The following RELN variants were observed in gnomAD, a reference collection of about 807,000 sequenced individuals.
The protein encoded by RELN is reelin.
RELN carries 108 observed loss-of-function variants against 427.6 expected under a neutral mutation model. That is an observed-to-expected ratio of 0.25 (90% CI 0.22 to 0.30). The LOEUF (loss-of-function observed/expected upper bound fraction) is 0.30, where lower values mean the gene tolerates loss of function less well. Ranked by LOEUF, RELN falls within the 10% of genes least tolerant of loss-of-function variation. RELN has a pLI of 1.00. For synonymous variants in RELN, 1,524 were observed against 1,513.4 expected (o/e 1.01, Z -0.16); for missense variants, 3,715 against 4,302.8 (o/e 0.86, Z 3.82).
chr7:103,641,122 G>C (rs1832686062), intron 16 of RELN, among the ~76,000 whole-genome samples: 2 of 152,120 alleles, frequency 1.3e-5, no homozygotes, highest in South Asian at 2.1e-4. Flanking sequence ...AAAGGCTACT[G>C]ATTGTTGAAT....
At chr7:103,698,294 A>G (rs1361575349) in intron 9 of RELN, among the ~76,000 whole-genome samples, 2 of 152,206 alleles carry the variant, frequency 1.3e-5, no homozygotes, top group East Asian at 3.9e-4. Flanking sequence ...TGACAGTTCA[A>G]GTATTAAATA....
intron 6 of RELN, among the ~76,000 whole-genome samples, chr7:103,730,970 T>G (rs2115950625): frequency 6.6e-6 from 1 of 152,246 alleles, no homozygotes; most frequent in African/African-American, 2.4e-5. Context: ...TAAGCTTTAC[T>G]GATACAAGGA....
chr7:103,538,953 G>T, intron 45 of RELN, 125 bp downstream of exon 45: 2 of 1,051,074 alleles, frequency 1.9e-6, no homozygotes, highest in Non-Finnish European at 2.9e-6. Context: ...AGTGTGGTTT[G>T]ACTCAAAGTG....
intron 10 of RELN, among the ~76,000 whole-genome samples, chr7:103,690,427 A>G (rs1271646766): frequency 2.0e-5 from 3 of 152,102 alleles, no homozygotes; most frequent in Non-Finnish European, 4.4e-5. Flanking sequence ...TAAATGTGGA[A>G]CACCCATCCA....
rs905314864 is a variant in RELN, at chr7:103,646,626, T to TA, written c.2002+3647dup. On this transcript the variant is annotated intron_variant, in intron 16 of 64. Coordinates refer to ENST00000428762, the MANE Select transcript of RELN (RefSeq NM_005045.4). ...ACAAGTAGTGACACTGAATCAGTAA[T>TA]AAAAAATCTCCCAACAAATAAAAGC... is the stretch of plus-strand genomic sequence containing the variant. Among the ~76,000 whole-genome samples the TA allele has an allele frequency of 5.3e-5, 8 of 151,882 alleles. No individual in the cohort carries two copies. In the East Asian group the frequency reaches 1.4e-3, roughly 26 times the overall value.
chr7:103,871,464 A>ATGTAT lies in RELN; in HGVS notation c.338-37797_338-37793dup. ...ATCACAAAATCTTTAACTACCAAGA[A>ATGTAT]TGTATTTCCCAAGCAAGAGACTACA... On this transcript the variant is annotated intron_variant, in intron 2 of 64. Coordinates refer to ENST00000428762, the MANE Select transcript of RELN (RefSeq NM_005045.4). 1.3e-5 allele frequency among the ~76,000 whole-genome samples: 2 copies of ATGTAT among 152,120 alleles called. 1 individual carries two copies. Among genetic ancestry groups the ATGTAT allele is most frequent in the Non-Finnish European group, 2.9e-5 (2 of 68,022 alleles).
chr7:103,648,510 C>G (rs776650591), intron 16 of RELN, among the ~76,000 whole-genome samples: 1 of 152,042 alleles, frequency 6.6e-6, no homozygotes, highest in Non-Finnish European at 1.5e-5. Context: ...GGAAAAACTC[C>G]TGAACACTTG....
intron 19 of RELN, among the ~76,000 whole-genome samples, chr7:103,634,178 C>T (rs931585378): frequency 6.6e-6 from 1 of 151,966 alleles, no homozygotes; most frequent in Non-Finnish European, 1.5e-5. Context: ...TTTCCTTAAC[C>T]CTGTCTTTTT....
chr7:103,569,501 C>T lies in RELN; in HGVS notation c.4588+2683G>A, dbSNP rs1830834071. Among the ~76,000 whole-genome samples the T allele has an allele frequency of 6.6e-6, 1 of 152,332 alleles. No homozygotes were observed. The highest frequency in any genetic ancestry group is 2.1e-4 in the South Asian group (1 of 4,830). ...TTGTTATGTAGCATACCACTCCAAT[C>T]CTACTAAATCTAAATTTGCATTTTA... On this transcript the variant is annotated intron_variant, in intron 31 of 64. Coordinates refer to ENST00000428762, the MANE Select transcript of RELN (RefSeq NM_005045.4). This position sits in a 1 kb window ranked among gnomAD's most constrained non-coding sequence, Gnocchi z 4.0.
chr7:103,712,339 A>C (rs1261909404), intron 8 of RELN, among the ~76,000 whole-genome samples: 1 of 152,206 alleles, frequency 6.6e-6, no homozygotes, highest in Non-Finnish European at 1.5e-5. Context: ...GGCATAACAA[A>C]CAGTATAAAG....
At chr7:103,601,069 A>T (rs1248626840) in intron 24 of RELN, among the ~76,000 whole-genome samples, 1 of 152,172 alleles carries the variant, frequency 6.6e-6, no homozygotes, top group Non-Finnish European at 1.5e-5. Context: ...GATCATCTTG[A>T]ATTAAGTGGA....
chr7:103,964,050 A>G (rs1796614213), intron 1 of RELN, among the ~76,000 whole-genome samples: 2 of 152,104 alleles, frequency 1.3e-5, no homozygotes, highest in African/African-American at 4.8e-5. Context: ...TCCCAGCTAC[A>G]TGAGAGGCTA....
At chr7:103,804,721 G>C (rs1212009336) in intron 3 of RELN, among the ~76,000 whole-genome samples, 1 of 152,008 alleles carries the variant, frequency 6.6e-6, no homozygotes, top group African/African-American at 2.4e-5. Context: ...AATAGTAATA[G>C]GTTACTTCTT....
At chr7:103,486,813 G>A (rs1222435835) in intron 60 of RELN, among the ~76,000 whole-genome samples, 4 of 152,176 alleles carry the variant, frequency 2.6e-5, no homozygotes, top group Non-Finnish European at 5.9e-5. Flanking sequence ...TGGTGGGAGT[G>A]TAAATTAGTT....
Position 103,875,416 on chromosome 7 carries a change from C to G in RELN, c.337+41659G>C, listed in dbSNP as rs138633017. Among the ~76,000 whole-genome samples the G allele has an allele frequency of 8.4e-3, 1,285 of 152,178 alleles. 11 individuals carry two copies. The highest frequency in any genetic ancestry group is 0.017 in the Middle Eastern group (5 of 294). On this transcript the variant is annotated intron_variant, in intron 2 of 64. Coordinates refer to ENST00000428762, the MANE Select transcript of RELN (RefSeq NM_005045.4). ...CAAAAGAAACTACCATCAGAGTGAA[C>G]AGGCAACCTACAAAATGGGAGTATA... is the stretch of plus-strand genomic sequence containing the variant.
At chr7:103,869,707 T>C (rs1224017360) in intron 2 of RELN, among the ~76,000 whole-genome samples, 1 of 152,160 alleles carries the variant, frequency 6.6e-6, no homozygotes, top group East Asian at 1.9e-4. Flanking sequence ...TCATTGGCTA[T>C]AGTGTGCCTA....
chr7:103,480,486 G>A (rs1246231302), intron 63 of RELN, among the ~76,000 whole-genome samples: 2 of 152,176 alleles, frequency 1.3e-5, no homozygotes, highest in Non-Finnish European at 2.9e-5. Context: ...TTGAAAAGAA[G>A]TACTTTGAAA....
chr7:103,741,768 T>C (rs1790666262), intron 6 of RELN, among the ~76,000 whole-genome samples: 1 of 150,094 alleles, frequency 6.7e-6, no homozygotes, highest in African/African-American at 2.5e-5. Flanking sequence ...CTCTTCACAC[T>C]GCAACTGTAA....
Position 103,519,479 on chromosome 7 carries a change from A to G in RELN, c.7706T>C (p.Leu2569Pro). ...SRLLVTVDLN[L>P]TNAEFIQFYF... Reference sequence around the variant, plus strand: ...AAATTGGATGAACTCAGCATTAGTGAGGTTTAGATCCACAGTGACTAATAA... The same window carrying G: ...AAATTGGATGAACTCAGCATTAGTGGGGTTTAGATCCACAGTGACTAATAA... The change falls in exon 49 of 65, where the codon CTC becomes CCC. Residue 2569 changes from leucine (L) to proline (P), a missense_variant. Around this residue, in one of 4 missense-constraint regions of RELN, gnomAD observed 1,310 missense variants for 1,643.0 expected, o/e 0.80. Coordinates refer to ENST00000428762, the MANE Select transcript of RELN (RefSeq NM_005045.4). 1 of 1,613,604 alleles carries G rather than the reference A, an allele frequency of 6.2e-7. No homozygotes were observed. Among genetic ancestry groups the G allele is most frequent in the South Asian group, 1.1e-5 (1 of 91,066 alleles).
Sources: gnomAD v4.1 joint callset for allele counts (sites outside exome capture counted in the v4.1 genomes callset) on GRCh38, gnomAD v4.1.1 for gene constraint, gnomAD v4.1.1 regional missense constraint, Gnocchi (gnomAD v3.1) non-coding constraint, MANE v1.5 for transcripts, NCBI Gene and HGNC (gene_info 2026-07-23, HGNC 2026-07-21) for gene names.